The following RGS5 variants were observed in gnomAD, a reference collection of about 807,000 sequenced individuals.
RGS5 encodes the protein regulator of G protein signaling 5.
In RGS5, 20 loss-of-function variants were observed where a neutral mutation model predicts 18.9. The ratio of observed to expected loss-of-function variants is 1.06; its 90% confidence interval spans 0.74 to 1.54. RGS5 has a LOEUF of 1.54. RGS5 is among the 40% of genes most tolerant of loss of function. RGS5 has a pLI of 0.00. For synonymous variants in RGS5, 57 were observed against 76.2 expected (o/e 0.75, Z 1.31); for missense variants, 201 against 211.8 (o/e 0.95, Z 0.32).
intron 1 of RGS5, among the ~76,000 whole-genome samples, chr1:163,196,401 G>A (rs922139194): frequency 6.6e-6 from 1 of 152,072 alleles, no homozygotes; most frequent in South Asian, 2.1e-4. Context: ...CATCTATCCC[G>A]TAATATTGTG....
intron 1 of RGS5, among the ~76,000 whole-genome samples, chr1:163,317,001 G>C (rs1650043951): frequency 6.6e-6 from 1 of 152,120 alleles, no homozygotes; most frequent in Admixed American, 6.5e-5. Context: ...GCACAAAACA[G>C]ATCATTTCAA....
chr1:163,271,527 A>G (rs1648717435), intron 2 of RGS5, among the ~76,000 whole-genome samples: 1 of 152,204 alleles, frequency 6.6e-6, no homozygotes, highest in South Asian at 2.1e-4. Context: ...TGCAGCCTAC[A>G]GAACCATGAG....
intron 2 of RGS5, among the ~76,000 whole-genome samples, chr1:163,165,391 T>G (rs574051579): frequency 6.6e-6 from 1 of 152,332 alleles, no homozygotes; most frequent in East Asian, 1.9e-4. Context: ...CTATATCAGC[T>G]CCTAACATTT....
chr1:163,268,115 GA>G (rs1009731424), intron 2 of RGS5, among the ~76,000 whole-genome samples: 10 of 151,494 alleles, frequency 6.6e-5, no homozygotes, highest in African/African-American at 2.2e-4. Context: ...TCCTAATAAG[GA>G]AAAAAATGTG....
Position 163,144,197 on chromosome 1 carries a change from C to T in RGS5, c.*3145G>A, listed in dbSNP as rs961523188. 6.6e-6 allele frequency: 1 copy of T among 151,944 alleles called. No individual in the cohort carries two copies. The highest frequency in any genetic ancestry group is 1.5e-5 in the Non-Finnish European group (1 of 67,974). 9.4% of individuals were successfully genotyped at this position (151,944 alleles called of 1,614,324 possible). ...GTTCTGCATTTTAAAAGGTGTCTAC[C>T]TGAAAGAAACAAAAAGTGTGTGTGT... On this transcript the variant is annotated 3_prime_UTR_variant, in exon 5 of 5. Coordinates refer to ENST00000313961, the MANE Select transcript of RGS5 (RefSeq NM_003617.4).
chr1:163,209,569 T>A (rs1231521447), intron 1 of RGS5, among the ~76,000 whole-genome samples: 2 of 152,152 alleles, frequency 1.3e-5, no homozygotes, highest in African/African-American at 4.8e-5. Flanking sequence ...TTTTATAATT[T>A]TCCTTTTGTT....
At chr1:163,301,533 A>G (rs929106801) in intron 2 of RGS5, among the ~76,000 whole-genome samples, 1 of 152,086 alleles carries the variant, frequency 6.6e-6, no homozygotes, top group African/African-American at 2.4e-5. Context: ...GGGTTTTACC[A>G]TGTTGTCCAG....
At chr1:163,162,725 C>G (rs1657859673) in intron 2 of RGS5, 2 of 151,998 alleles carry the variant, frequency 1.3e-5, no homozygotes, top group Non-Finnish European at 2.9e-5. Context: ...TCTATTTTAA[C>G]ATTTATATAT....
chr1:163,203,428 T>C (rs542144034), upstream of RGS5, among the ~76,000 whole-genome samples: 2 of 152,306 alleles, frequency 1.3e-5, no homozygotes, highest in East Asian at 3.9e-4. Flanking sequence ...GAAAGCTCCC[T>C]GCCCTCAAGA....
chr1:163,225,248 A>G (rs1170778486), intron 2 of RGS5, among the ~76,000 whole-genome samples: 2 of 152,158 alleles, frequency 1.3e-5, no homozygotes, highest in African/African-American at 4.8e-5. Context: ...CTCAGATACA[A>G]AAGGGAAGAC....
At chr1:163,163,504 G>A (rs1657901238) in intron 2 of RGS5, among the ~76,000 whole-genome samples, 1 of 151,900 alleles carries the variant, frequency 6.6e-6, no homozygotes, top group South Asian at 2.1e-4. Context: ...TGGCATGAAC[G>A]GGGTGATTAT....
chr1:163,264,188 T>C (rs961272327), intron 2 of RGS5, among the ~76,000 whole-genome samples: 1 of 152,076 alleles, frequency 6.6e-6, no homozygotes, highest in Non-Finnish European at 1.5e-5. Context: ...GCTAAATGTG[T>C]GCCCCAAGGG....
At chr1:163,308,483 G>T (rs985072621) in intron 1 of RGS5, 1 of 152,068 alleles carries the variant, frequency 6.6e-6, no homozygotes, top group Non-Finnish European at 1.5e-5. Context: ...AAAAATATAG[G>T]AAAGGCATAA....
chr1:163,290,314 G>A (rs1398334845), intron 2 of RGS5, among the ~76,000 whole-genome samples: 1 of 152,086 alleles, frequency 6.6e-6, no homozygotes, highest in Non-Finnish European at 1.5e-5. Flanking sequence ...TTGTGTCCAC[G>A]TCCTCGATTT....
intron 2 of RGS5, among the ~76,000 whole-genome samples, chr1:163,245,938 G>C (rs542049319): frequency 6.6e-6 from 1 of 152,222 alleles, no homozygotes; most frequent in African/African-American, 2.4e-5. Context: ...ATACCAGTCC[G>C]GGGGCTGTGG....
At chr1:163,186,592 A>AG (rs1467661198) in intron 1 of RGS5, among the ~76,000 whole-genome samples, 57 of 140,258 alleles carry the variant, frequency 4.1e-4, no homozygotes, top group Non-Finnish European at 5.8e-4. Context: ...AAAAAAAAAA[A>AG]AAAAAGAAAA....
intron 1 of RGS5, among the ~76,000 whole-genome samples, chr1:163,215,093 T>C (rs544926060): frequency 6.6e-6 from 1 of 152,342 alleles, no homozygotes; most frequent in South Asian, 2.1e-4. Context: ...TTTTAAAATA[T>C]ACGTAAAATG....
intron 1 of RGS5, chr1:163,212,769 A>G (rs1170796940): frequency 6.6e-6 from 1 of 152,086 alleles, no homozygotes; most frequent in East Asian, 1.9e-4. Flanking sequence ...CCTCCAATAT[A>G]CTATTAGGGA....
intron 2 of RGS5, among the ~76,000 whole-genome samples, chr1:163,289,520 T>C (rs1032154103): frequency 2.6e-5 from 4 of 152,156 alleles, no homozygotes; most frequent in Non-Finnish European, 5.9e-5. Flanking sequence ...CCTGAATTTC[T>C]AAGAACCTGT....
Sources: gnomAD v4.1 joint callset for allele counts (sites outside exome capture counted in the v4.1 genomes callset) on GRCh38, gnomAD v4.1.1 for gene constraint, MANE v1.5 for transcripts, NCBI Gene and HGNC (gene_info 2026-07-23, HGNC 2026-07-21) for gene names.